The following ERI3 variants were observed in gnomAD, a reference collection of about 807,000 sequenced individuals.
ERI3 encodes the protein ERI1 exoribonuclease family member 3, also known as ERI1 exoribonuclease 3.
A neutral mutation model predicts 44.4 loss-of-function variants in ERI3; 18 were observed. The ratio of observed to expected loss-of-function variants is 0.41; its 90% CI spans 0.28 to 0.60. The LOEUF is 0.60. Among genes scored for constraint, ERI3 ranks in the 20% least tolerant of loss-of-function variants. The pLI, the probability that ERI3 is intolerant of heterozygous loss-of-function variation, is 0.36. For missense variants in ERI3, 294 were observed against 435.5 expected (o/e 0.68, Z 2.89); for synonymous variants, 183 against 164.8 (o/e 1.11, Z -0.84).
At chr1:44,305,997 G>A (rs943954469) in intron 6 of ERI3, among the ~76,000 whole-genome samples, 3 of 152,202 alleles carry the variant, frequency 2.0e-5, no homozygotes, top group African/African-American at 7.2e-5. Context: ...GCCATCTGAC[G>A]AGCCTCTGCC....
chr1:44,324,681 A>G (rs1227717324), intron 3 of ERI3, among the ~76,000 whole-genome samples: 1 of 151,900 alleles, frequency 6.6e-6, no homozygotes, highest in Non-Finnish European at 1.5e-5. Context: ...ACAGAGTTTC[A>G]CCGTGTTAGC....
intron 7 of ERI3, among the ~76,000 whole-genome samples, chr1:44,250,458 G>C (rs921882962): frequency 2.0e-5 from 3 of 152,194 alleles, no homozygotes; most frequent in Non-Finnish European, 4.4e-5. Context: ...GTGTGAAAGG[G>C]GGACGGAGGA....
intron 6 of ERI3, among the ~76,000 whole-genome samples, chr1:44,303,754 A>G (rs1332203937): frequency 3.9e-5 from 6 of 152,258 alleles, no homozygotes; most frequent in Non-Finnish European, 8.8e-5. Flanking sequence ...AACAGTTTGG[A>G]CTTTACCCTT....
intron 6 of ERI3, among the ~76,000 whole-genome samples, chr1:44,297,738 C>T (rs1387890287): frequency 1.3e-5 from 2 of 152,158 alleles, no homozygotes; most frequent in Non-Finnish European, 2.9e-5. Flanking sequence ...CTCCATTACC[C>T]TGGCTGGGAA....
intron 2 of ERI3, among the ~76,000 whole-genome samples, chr1:44,345,368 A>G (rs1191176293): frequency 2.6e-5 from 4 of 152,196 alleles, no homozygotes; most frequent in Non-Finnish European, 4.4e-5. Flanking sequence ...GGGATGGTGT[A>G]TGTTTATACC....
intron 3 of ERI3, among the ~76,000 whole-genome samples, chr1:44,335,651 C>T (rs1194788600): frequency 6.6e-6 from 1 of 150,868 alleles, no homozygotes; most frequent in African/African-American, 2.4e-5. Context: ...CCTGGCTACT[C>T]GGGAAGCTGA....
Position 44,292,699 on chromosome 1 carries a change from G to A in ERI3, c.759-7792C>T, listed in dbSNP as rs1645533216. On this transcript the variant is annotated intron_variant, in intron 6 of 8. Transcript: ENST00000372257. ...CCTCTGCCTGCCCACAGCCCTGGGG[G>A]GAATGCACTGCTGACTTATCAGCCC... is the stretch of plus-strand genomic sequence containing the variant. Among the ~76,000 whole-genome samples the A allele has an allele frequency of 2.0e-5, 3 of 152,184 alleles. No homozygotes were observed. The South Asian group carries it at 6.2e-4, about 31-fold the overall frequency.
rs200389542 is a variant in ERI3, at chr1:44,259,920, T to TAGACAGACAGAC, written c.832-11894_832-11883dup. ...ATAGATAGATAGATAGATAGATAGA[T>TAGACAGACAGAC]AGACAGACAGACAGACAGACAGACA... On this transcript the variant is annotated intron_variant, in intron 7 of 8. Coordinates refer to ENST00000372257, the MANE Select transcript of ERI3 (RefSeq NM_024066.3). Among the ~76,000 whole-genome samples, 796 of 129,684 alleles carry TAGACAGACAGAC rather than the reference T, an allele frequency of 6.1e-3. 12 individuals are homozygous for TAGACAGACAGAC. The highest frequency in any genetic ancestry group is 0.017 in the African/African-American group (590 of 34,412). 85.1% of individuals were successfully genotyped at this position (129,684 alleles called of 152,430 possible).
intron 6 of ERI3, among the ~76,000 whole-genome samples, chr1:44,295,876 C>T (rs1321524989): frequency 1.3e-5 from 2 of 152,216 alleles, no homozygotes; most frequent in Admixed American, 6.5e-5. Context: ...GCTGAGCATT[C>T]AAGGGTCTGT....
intron 3 of ERI3, among the ~76,000 whole-genome samples, chr1:44,329,680 G>C (rs1161221998): frequency 6.6e-6 from 1 of 152,008 alleles, no homozygotes; most frequent in African/African-American, 2.4e-5. Context: ...ACCTCCTCTA[G>C]GCCAATGGCC....
intron 6 of ERI3, among the ~76,000 whole-genome samples, chr1:44,304,991 A>G (rs1363278919): frequency 5.3e-5 from 8 of 152,000 alleles, no homozygotes; most frequent in Non-Finnish European, 1.2e-4. Flanking sequence ...CTCTCACCAG[A>G]CTCTGAGCAG....
intron 3 of ERI3, among the ~76,000 whole-genome samples, chr1:44,320,587 C>T (rs184385212): frequency 1.3e-5 from 2 of 151,838 alleles, no homozygotes; most frequent in African/African-American, 2.4e-5. Flanking sequence ...AGAGCACGTG[C>T]GTACCAGAGA....
At chr1:44,223,645 C>A (rs1643959735) in intron 8 of ERI3, among the ~76,000 whole-genome samples, 1 of 152,146 alleles carries the variant, frequency 6.6e-6, no homozygotes, top group Non-Finnish European at 1.5e-5. Flanking sequence ...CTGGCTCCTC[C>A]CTCATTGCTG....
chr1:44,276,978 A>G (rs913066413), intron 7 of ERI3, among the ~76,000 whole-genome samples: 1 of 152,226 alleles, frequency 6.6e-6, no homozygotes. Context: ...TGGATCCTCA[A>G]CACTGCATAG....
chr1:44,339,369 A>T, intron 2 of ERI3, 47 bp from the exon 3 acceptor site: 2 of 591,748 alleles, frequency 3.4e-6, no homozygotes, highest in Admixed American at 4.1e-5. Flanking sequence ...GAAAAGAAAG[A>T]AAAAAAAAAA....
chr1:44,264,557 C>A (rs967739125), intron 7 of ERI3, among the ~76,000 whole-genome samples: 4 of 152,262 alleles, frequency 2.6e-5, no homozygotes, highest in African/African-American at 9.6e-5. Flanking sequence ...ACGGCGCGTG[C>A]ATAGGCAATG....
intron 6 of ERI3, among the ~76,000 whole-genome samples, chr1:44,290,723 TG>T (rs1444170241): frequency 6.6e-6 from 1 of 152,146 alleles, no homozygotes; most frequent in East Asian, 1.9e-4. Context: ...AAACAGACCC[TG>T]GGTGATAAAC....
rs58901342 is a variant in ERI3 at position 44,259,689 on chromosome 1, GACACACACACACAC to G, written c.832-11665_832-11652del. On this transcript the variant is annotated intron_variant, in intron 7 of 8. Transcript: ENST00000372257. ...AAATCCTATCTCTACAAAACACACA[GACACACACACACAC>G]ACACACACACACACACACACAAATT... 5.7e-5 allele frequency among the ~76,000 whole-genome samples: 8 copies of G among 140,384 alleles called. No homozygotes were observed. In the Admixed American group the frequency reaches 5.7e-4, roughly 10 times the overall value. 92.1% of individuals were successfully genotyped at this position (140,384 alleles called of 152,430 possible).
Position 44,342,653 on chromosome 1 carries a change from GT to G in ERI3, c.212-3332del, listed in dbSNP as rs558346904. 4.6e-4 allele frequency among the ~76,000 whole-genome samples: 66 copies of G among 143,444 alleles called. 1 individual carries two copies. The highest frequency in any genetic ancestry group is 1.6e-3 in the South Asian group (7 of 4,512). The allele number at this position is 143,444 out of a possible 152,430, so 94.1% of individuals were successfully genotyped here. ...ACACCTAGCACTCCATTGCCTTCTT[GT>G]TTTTTTTTTGAAGACAGGGTCTTGC... On this transcript the variant is annotated intron_variant, in intron 2 of 8. Coordinates refer to ENST00000372257, the MANE Select transcript of ERI3 (RefSeq NM_024066.3).
Sources: gnomAD v4.1 joint callset for allele counts (sites outside exome capture counted in the v4.1 genomes callset) on GRCh38, gnomAD v4.1.1 for gene constraint, MANE v1.5 for transcripts, NCBI Gene and HGNC (gene_info 2026-07-23, HGNC 2026-07-21) for gene names.